MGAT5: variants seen among roughly 807,000 people sequenced by gnomAD.
MGAT5 encodes the protein alpha-1,6-mannosylglycoprotein 6-beta-N-acetylglucosaminyltransferase, also known as alpha-1,6-mannosylglycoprotein 6-beta-N-acetylglucosaminyltransferase A.
Under a neutral mutation model 94.3 loss-of-function variants are expected in MGAT5, and 30 were observed. The ratio of observed to expected loss-of-function variants is 0.32; its 90% CI spans 0.24 to 0.43. MGAT5 has a LOEUF of 0.43. Ranked by LOEUF, MGAT5 falls within the 20% of genes least tolerant of loss-of-function variation. The probability of loss-of-function intolerance (pLI) is 1.00; values close to 1 mark genes in which losing one functional copy is unlikely to be tolerated. For missense variants in MGAT5, 691 were observed against 905.5 expected (o/e 0.76, Z 3.04); for synonymous variants, 310 against 322.9 (o/e 0.96, Z 0.43).
Position 134,454,429 on chromosome 2 carries a change from C to G in MGAT5, c.*5582C>G, listed in dbSNP as rs1376040339. 1 of 152,204 alleles carries G rather than the reference C, an allele frequency of 6.6e-6. No individual in the cohort carries two copies. 9.4% of individuals were successfully genotyped at this position (152,204 alleles called of 1,614,324 possible). A position where few individuals can be genotyped will look rare whatever the true frequency, so the allele number is the denominator to read the frequency against. On this transcript the variant is annotated 3_prime_UTR_variant, in exon 16 of 16. Coordinates refer to ENST00000281923, the MANE Select transcript of MGAT5 (RefSeq NM_002410.5). ...TCTTTAAGCTAATGGCCGTTTGCAT[C>G]TGTGTCTTCAAACAGATCCTGGTTA... is the stretch of plus-strand genomic sequence containing the variant.
intron 1 of MGAT5, among the ~76,000 whole-genome samples, chr2:134,145,209 T>C (rs1189579515): frequency 7.9e-6 from 1 of 127,380 alleles, no homozygotes; most frequent in Non-Finnish European, 1.6e-5. Context: ...TGTGTGTCTC[T>C]CTCTCTGTGT....
At chr2:134,228,348 G>C (rs1222996297) in intron 1 of MGAT5, among the ~76,000 whole-genome samples, 1 of 152,184 alleles carries the variant, frequency 6.6e-6, no homozygotes, top group Non-Finnish European at 1.5e-5. Context: ...TATAGGGTAA[G>C]AAAAGCCCTG....
At chr2:134,389,619 C>T (rs1234915343) in intron 10 of MGAT5, among the ~76,000 whole-genome samples, 1 of 152,090 alleles carries the variant, frequency 6.6e-6, no homozygotes, top group Non-Finnish European at 1.5e-5. Context: ...TGTCTAATGG[C>T]TTGGTGGATA....
At chr2:134,358,300 T>G (rs1404394848) in intron 9 of MGAT5, among the ~76,000 whole-genome samples, 1 of 152,070 alleles carries the variant, frequency 6.6e-6, no homozygotes, top group Non-Finnish European at 1.5e-5. Context: ...AGAAAAAAAG[T>G]CCAGTAATAG....
chr2:134,190,827 T>G (rs1452112600), intron 1 of MGAT5, among the ~76,000 whole-genome samples: 1 of 152,176 alleles, frequency 6.6e-6, no homozygotes, highest in Non-Finnish European at 1.5e-5. Flanking sequence ...TGTATTTTTT[T>G]TAATAGAGAT....
At chr2:134,262,558 G>GT (rs1298584749) in intron 1 of MGAT5, among the ~76,000 whole-genome samples, 7 of 141,694 alleles carry the variant, frequency 4.9e-5, no homozygotes, top group Non-Finnish European at 6.1e-5. Context: ...TAAAACAAAA[G>GT]TTTTTTTTCT....
At chr2:134,320,908 G>A (rs542312019) in intron 4 of MGAT5, among the ~76,000 whole-genome samples, 4 of 152,142 alleles carry the variant, frequency 2.6e-5, no homozygotes, top group South Asian at 4.2e-4. Context: ...GGTTCCAACC[G>A]GGCTCCATGA....
chr2:134,374,022 T>C (rs965027192), intron 10 of MGAT5, among the ~76,000 whole-genome samples: 1 of 152,194 alleles, frequency 6.6e-6, no homozygotes, highest in Non-Finnish European at 1.5e-5. Flanking sequence ...CATCAGCCAA[T>C]GGAGCAAAAT....
At chr2:134,391,503 G>A (rs1682407301) in intron 10 of MGAT5, among the ~76,000 whole-genome samples, 1 of 152,158 alleles carries the variant, frequency 6.6e-6, no homozygotes, top group African/African-American at 2.4e-5. Flanking sequence ...TCTGGTGAGG[G>A]CCCTCTTCTG....
chr2:134,136,426 G>A (rs929540218), intron 1 of MGAT5, among the ~76,000 whole-genome samples: 2 of 152,090 alleles, frequency 1.3e-5, no homozygotes, highest in African/African-American at 2.4e-5. Flanking sequence ...AATTAGCTGA[G>A]CGTGGTGGCG....
intron 10 of MGAT5, among the ~76,000 whole-genome samples, chr2:134,388,796 C>T (rs1276408828): frequency 6.6e-6 from 1 of 152,064 alleles, no homozygotes; most frequent in Non-Finnish European, 1.5e-5. Flanking sequence ...GAGTCTCGCT[C>T]TGTTGCCCAA....
chr2:134,311,974 G>A (rs1686699457), intron 2 of MGAT5, among the ~76,000 whole-genome samples: 1 of 152,190 alleles, frequency 6.6e-6, no homozygotes, highest in African/African-American at 2.4e-5. Flanking sequence ...TCCAGGCCGG[G>A]TACAGTGGCT....
intron 2 of MGAT5, among the ~76,000 whole-genome samples, chr2:134,314,780 G>C (rs559728402): frequency 6.6e-6 from 1 of 152,168 alleles, no homozygotes; most frequent in African/African-American, 2.4e-5. Flanking sequence ...AGGAAGGCCC[G>C]CAGGGAGCCT....
At position 134,454,307 on chromosome 2, in the gene MGAT5, T is replaced by C. The variant is rs1220572050; in HGVS notation, c.*5460T>C. 2 of 152,214 alleles carry C rather than the reference T, an allele frequency of 1.3e-5. No homozygotes were observed. The highest frequency in any genetic ancestry group is 4.8e-5 in the African/African-American group (2 of 41,452). The allele number at this position is 152,214 out of a possible 1,614,324, so 9.4% of individuals were successfully genotyped here. Reference sequence around the variant, plus strand: ...AGAGGGAGCGAACTTGGGAAGCATTTTGCTCATTGTCCTACCCAAGTATTA... The same window carrying C: ...AGAGGGAGCGAACTTGGGAAGCATTCTGCTCATTGTCCTACCCAAGTATTA... On this transcript the variant is annotated 3_prime_UTR_variant, in exon 16 of 16. Transcript: ENST00000281923.
chr2:134,440,864 A>G (rs1685450511), intron 14 of MGAT5, among the ~76,000 whole-genome samples: 1 of 152,220 alleles, frequency 6.6e-6, no homozygotes, highest in Admixed American at 6.5e-5. Flanking sequence ...CTGATTCACC[A>G]AAAATTGAGT....
rs77702024 is a variant in MGAT5, at chr2:134,240,073, A to G, written c.-142-14189A>G. On this transcript the variant is annotated intron_variant, in intron 1 of 16. Coordinates refer to the MGAT5 transcript ENST00000409645. ...TGAAGATGAAAAAAAAATTTCTTCCAAAGTCTTCATGGATACATAAAGTGT... is the reference window on the plus strand; with the variant it reads ...TGAAGATGAAAAAAAAATTTCTTCCGAAGTCTTCATGGATACATAAAGTGT... Among the ~76,000 whole-genome samples, 753 of 152,320 alleles carry G rather than the reference A, an allele frequency of 4.9e-3. 17 individuals are homozygous for G. The East Asian group carries it at 0.08, about 16-fold the overall frequency.
intron 1 of MGAT5, among the ~76,000 whole-genome samples, chr2:134,155,565 A>G (rs1347310459): frequency 1.3e-5 from 2 of 152,230 alleles, no homozygotes; most frequent in Non-Finnish European, 2.9e-5. Context: ...GGCCTGGCAC[A>G]TAGTAAGTAC....
intron 1 of MGAT5, among the ~76,000 whole-genome samples, chr2:134,238,759 C>A (rs1027020614): frequency 5.3e-5 from 8 of 152,082 alleles, no homozygotes; most frequent in African/African-American, 1.9e-4. Context: ...GCCTGGCCAA[C>A]ATGGTGAAAC....
At chr2:134,272,123 C>A (rs1364513862) in intron 2 of MGAT5, among the ~76,000 whole-genome samples, 1 of 152,196 alleles carries the variant, frequency 6.6e-6, no homozygotes, top group Non-Finnish European at 1.5e-5. Context: ...CTCACAAGGA[C>A]TTTGCTACCT....
Sources: gnomAD v4.1 joint callset for allele counts (sites outside exome capture counted in the v4.1 genomes callset) on GRCh38, gnomAD v4.1.1 for gene constraint, MANE v1.5 for transcripts, NCBI Gene and HGNC (gene_info 2026-07-23, HGNC 2026-07-21) for gene names.